The following ELP4 variants were observed in gnomAD, a reference collection of about 807,000 sequenced individuals.
ELP4 encodes the protein elongator complex protein 4.
In ELP4, 51 loss-of-function variants were observed where a neutral mutation model predicts 48.9. The ratio of observed to expected loss-of-function variants is 1.04; its 90% CI spans 0.83 to 1.32. ELP4 has a LOEUF of 1.32. Among genes scored for constraint, ELP4 ranks in the 40% most tolerant of loss-of-function variants. The pLI, the probability that ELP4 is intolerant of heterozygous loss-of-function variation, is 0.00. For missense variants in ELP4, 519 were observed against 514.6 expected, an observed-to-expected ratio of 1.01 and a Z score of -0.08; for synonymous variants, 210 against 189.2, an observed-to-expected ratio of 1.11 and a Z score of -0.90.
At chr11:31,528,873 A>G (rs1956343377) in intron 2 of ELP4, among the ~76,000 whole-genome samples, 1 of 152,138 alleles carries the variant, frequency 6.6e-6, no homozygotes, top group East Asian at 1.9e-4. Flanking sequence ...CTAGAGAAAA[A>G]GATTTAGGAT....
intron 3 of ELP4, among the ~76,000 whole-genome samples, chr11:31,548,338 A>G (rs548276650): frequency 6.6e-6 from 1 of 151,846 alleles, no homozygotes; most frequent in African/African-American, 2.4e-5. Flanking sequence ...TTATACACCA[A>G]TAACAGACAA....
intron 3 of ELP4, among the ~76,000 whole-genome samples, chr11:31,563,397 GC>G (rs1332667976): frequency 6.6e-6 from 1 of 152,052 alleles, no homozygotes; most frequent in African/African-American, 2.4e-5. Flanking sequence ...ATCAGATTTT[GC>G]TTGTGCATCT....
At chr11:31,608,557 A>G (rs1957918879) in intron 5 of ELP4, among the ~76,000 whole-genome samples, 1 of 145,602 alleles carries the variant, frequency 6.9e-6, no homozygotes, top group African/African-American at 2.5e-5. Context: ...GTTTCACACT[A>G]CTGGGTTAAC....
intron 9 of ELP4, among the ~76,000 whole-genome samples, chr11:31,723,172 G>A (rs534177063): frequency 1.3e-5 from 2 of 152,196 alleles, no homozygotes; most frequent in South Asian, 4.2e-4. Flanking sequence ...CCTCATCTAG[G>A]CCCTGAATGA....
At chr11:31,666,945 A>C (rs1009435108) in intron 9 of ELP4, among the ~76,000 whole-genome samples, 2 of 152,144 alleles carry the variant, frequency 1.3e-5, no homozygotes, top group African/African-American at 4.8e-5. Context: ...ATTTTCAAAA[A>C]TGTGTTAGTA....
intron 3 of ELP4, among the ~76,000 whole-genome samples, chr11:31,573,844 C>T (rs982706758): frequency 3.4e-5 from 5 of 146,500 alleles, no homozygotes; most frequent in Admixed American, 1.4e-4. Context: ...CTTCAATGTA[C>T]GGACCTGAGG....
intron 3 of ELP4, among the ~76,000 whole-genome samples, chr11:31,578,650 C>G (rs1046650855): frequency 6.6e-6 from 1 of 152,204 alleles, no homozygotes; most frequent in Non-Finnish European, 1.5e-5. Flanking sequence ...CTACAGCCAT[C>G]TGATCTTTGA....
At chr11:31,578,280 C>T (rs1005194520) in intron 3 of ELP4, among the ~76,000 whole-genome samples, 22 of 151,710 alleles carry the variant, frequency 1.5e-4, no homozygotes, top group African/African-American at 4.6e-4. Context: ...CACTGCTCAG[C>T]GAAAGAAGAG....
At chr11:31,779,328 GATTC>G (rs1424946891) in intron 9 of ELP4, among the ~76,000 whole-genome samples, 9 of 152,184 alleles carry the variant, frequency 5.9e-5, no homozygotes, top group African/African-American at 2.2e-4. Flanking sequence ...GTGTAATCGA[GATTC>G]ATTATCTTGC....
chr11:31,634,575 C>T (rs537285238), intron 7 of ELP4, among the ~76,000 whole-genome samples: 1 of 152,050 alleles, frequency 6.6e-6, no homozygotes, highest in South Asian at 2.1e-4. Context: ...GAATCCTGTA[C>T]CCTCTGTTTA....
chr11:31,533,056 A>G (rs985603067), intron 2 of ELP4, among the ~76,000 whole-genome samples: 1 of 152,094 alleles, frequency 6.6e-6, no homozygotes, highest in African/African-American at 2.4e-5. Context: ...GATTACAGGC[A>G]TGAGCCACTG....
chr11:31,539,685 TC>T lies in ELP4; in HGVS notation c.284del (p.Ser95TyrfsTer64), dbSNP rs754625061. On this transcript the variant is annotated frameshift_variant, in exon 3 of 10. Coordinates refer to ENST00000640961, the MANE Select transcript of ELP4 (RefSeq NM_019040.5). LOFTEE classifies it high-confidence loss of function. ...AGAGGAGGATAAATATAATATTTAC[TC>T]ACCTTTGCTCTTCAAGTATTTCCTG... ...LIEEDKYNIY[S>X]PLLFKYFLAE... The T allele has an allele frequency of 1.2e-6, 2 of 1,607,536 alleles. No individual in the cohort carries two copies. Among genetic ancestry groups the T allele is most frequent in the Non-Finnish European group, 1.7e-6 (2 of 1,177,060 alleles).
chr11:31,642,202 A>G (rs1945113681), intron 7 of ELP4, among the ~76,000 whole-genome samples: 1 of 151,388 alleles, frequency 6.6e-6, no homozygotes, highest in Admixed American at 6.6e-5. Flanking sequence ...GTAATGTTTT[A>G]TAGAATAACT....
At chr11:31,579,731 A>G (rs1480190461) in intron 3 of ELP4, among the ~76,000 whole-genome samples, 1 of 146,004 alleles carries the variant, frequency 6.8e-6, no homozygotes, top group Non-Finnish European at 1.5e-5. Flanking sequence ...TGGGAATTGA[A>G]CAGTGAGAAC....
intron 5 of ELP4, among the ~76,000 whole-genome samples, chr11:31,606,631 A>G (rs1221074163): frequency 1.3e-5 from 2 of 152,200 alleles, no homozygotes; most frequent in African/African-American, 4.8e-5. Context: ...TAATAATATT[A>G]TCAAGATAGT....
intron 9 of ELP4, among the ~76,000 whole-genome samples, chr11:31,661,783 A>C (rs1364855361): frequency 6.6e-6 from 1 of 152,084 alleles, no homozygotes; most frequent in Admixed American, 6.6e-5. Flanking sequence ...CAACCTTCAA[A>C]AAATATCAGC....
At position 31,787,200 on chromosome 11, in the gene ELP4, C is replaced by G; in HGVS notation, c.*3676C>G. 4.3e-6 allele frequency: 1 copy of G among 232,720 alleles called. No individual in the cohort carries two copies. The highest frequency in any genetic ancestry group is 8.5e-6 in the Non-Finnish European group (1 of 117,752). The allele number at this position is 232,720 out of a possible 1,614,324, so 14.4% of individuals were successfully genotyped here. A position where few individuals can be genotyped will look rare whatever the true frequency, so the allele number is the denominator to read the frequency against. ...AGGCAGCCGTTCCCATCCTGCCGGA[C>G]CAGAGGGCTTCTGCAGCTGAGCAGC... is the stretch of plus-strand genomic sequence containing the variant. On this transcript the variant is annotated 3_prime_UTR_variant, in exon 10 of 10. Transcript: ENST00000640961.
intron 2 of ELP4, among the ~76,000 whole-genome samples, chr11:31,536,481 A>T (rs1956503456): frequency 6.6e-6 from 1 of 152,118 alleles, no homozygotes; most frequent in African/African-American, 2.4e-5. Context: ...CCTCCTGAGT[A>T]GCTGGGATTA....
chr11:31,696,604 G>A (rs1394179641), intron 9 of ELP4, among the ~76,000 whole-genome samples: 1 of 151,930 alleles, frequency 6.6e-6, no homozygotes, highest in Admixed American at 6.6e-5. Context: ...GGTCAATTTT[G>A]GAATAAGTGT....
Sources: gnomAD v4.1 joint callset for allele counts (sites outside exome capture counted in the v4.1 genomes callset) on GRCh38, gnomAD v4.1.1 for gene constraint, MANE v1.5 for transcripts, NCBI Gene and HGNC (gene_info 2026-07-23, HGNC 2026-07-21) for gene names.